FOXN3: variants seen among roughly 807,000 people sequenced by gnomAD.
The protein encoded by FOXN3 is forkhead box protein N3.
A neutral mutation model predicts 38.4 loss-of-function variants in FOXN3; 7 were observed. The ratio of observed to expected loss-of-function variants is 0.18; its 90% CI spans 0.10 to 0.34. FOXN3 has a LOEUF of 0.34. Ranked by LOEUF, FOXN3 falls within the 10% of genes least tolerant of loss-of-function variation. FOXN3 has a pLI of 1.00. For missense variants in FOXN3, 456 were observed against 613.4 expected, an observed-to-expected ratio of 0.74 and a Z score of 2.71; for synonymous variants, 230 against 242.2, an observed-to-expected ratio of 0.95 and a Z score of 0.47.
intron 2 of FOXN3, among the ~76,000 whole-genome samples, chr14:89,381,932 C>A (rs1890660755): frequency 1.3e-5 from 2 of 152,090 alleles, no homozygotes; most frequent in Non-Finnish European, 2.9e-5. Context: ...TTGATCCTCT[C>A]AACTACTCCT....
chr14:89,616,106 A>G (rs1284634156), intron 1 of FOXN3, among the ~76,000 whole-genome samples: 2 of 150,682 alleles, frequency 1.3e-5, no homozygotes, highest in Non-Finnish European at 2.9e-5. Context: ...TAAGAAATGT[A>G]TTTGCTTTAT....
intron 1 of FOXN3, among the ~76,000 whole-genome samples, chr14:89,473,928 T>TAA (rs796656315): frequency 2.1e-5 from 3 of 145,842 alleles, no homozygotes; most frequent in African/African-American, 7.5e-5. Context: ...TCTCCCACGC[T>TAA]AAAAAAAAAA....
At chr14:89,286,626 CA>C (rs1173898116) in intron 3 of FOXN3, among the ~76,000 whole-genome samples, 1 of 152,118 alleles carries the variant, frequency 6.6e-6, no homozygotes, top group East Asian at 1.9e-4. Context: ...TCACCCACCA[CA>C]AAAAATCCTT....
At position 89,364,799 on chromosome 14, in the gene FOXN3, GC is replaced by G. The variant is rs1458301997; in HGVS notation, c.544-13992del. 10 of 152,100 alleles carry G rather than the reference GC, an allele frequency of 6.6e-5. No individual in the cohort carries two copies. In the East Asian group the frequency reaches 1.7e-3, roughly 26 times the overall value. The allele number at this position is 152,100 out of a possible 1,614,324, so 9.4% of individuals were successfully genotyped here. On this transcript the variant is annotated intron_variant, in intron 2 of 5. Coordinates refer to ENST00000557258, the MANE Select transcript of FOXN3 (RefSeq NM_005197.4). ...AAATCCACCTCATATACCTCAGAAC[GC>G]CCCTCCATCTGCAAGGGAACGCATG...
intron 1 of FOXN3, among the ~76,000 whole-genome samples, chr14:89,482,764 G>GC (rs35683466): frequency 2.1e-5 from 3 of 142,268 alleles, no homozygotes; most frequent in Admixed American, 7.2e-5. Flanking sequence ...AAAGAAATTA[G>GC]CTGGGCATGG....
At chr14:89,326,998 C>A (rs946725584) in intron 3 of FOXN3, among the ~76,000 whole-genome samples, 1 of 152,184 alleles carries the variant, frequency 6.6e-6, no homozygotes, top group African/African-American at 2.4e-5. Flanking sequence ...ACACGCACCA[C>A]CCAACCCAGC....
At chr14:89,451,897 G>A (rs938969718) in intron 1 of FOXN3, among the ~76,000 whole-genome samples, 3 of 152,104 alleles carry the variant, frequency 2.0e-5, no homozygotes, top group Non-Finnish European at 4.4e-5. Context: ...CGACCCCAGA[G>A]GAAGGCACTG....
intron 1 of FOXN3, among the ~76,000 whole-genome samples, chr14:89,573,067 T>C (rs546733719): frequency 4.8e-4 from 73 of 152,228 alleles, no homozygotes; most frequent in African/African-American, 1.7e-3. Context: ...CCTTCTGCCA[T>C]ACAGGAAAAG....
chr14:89,581,327 T>C (rs1452251490), intron 1 of FOXN3, among the ~76,000 whole-genome samples: 1 of 151,248 alleles, frequency 6.6e-6, no homozygotes, highest in Non-Finnish European at 1.5e-5. Flanking sequence ...ACTACAAATT[T>C]CAAAATTTGC....
chr14:89,504,658 T>A (rs1156470123), intron 1 of FOXN3, among the ~76,000 whole-genome samples: 1 of 152,204 alleles, frequency 6.6e-6, no homozygotes, highest in African/African-American at 2.4e-5. Context: ...GTCCAGATTT[T>A]AACCCTAATC....
intron 1 of FOXN3, among the ~76,000 whole-genome samples, chr14:89,594,819 G>A (rs900295649): frequency 6.6e-6 from 1 of 152,110 alleles, no homozygotes; most frequent in African/African-American, 2.4e-5. Flanking sequence ...CCGGGAGGCA[G>A]AGGCTGCAGT....
chr14:89,513,150 G>GAAAAAAA (rs36003791), intron 1 of FOXN3, among the ~76,000 whole-genome samples: 27 of 101,670 alleles, frequency 2.7e-4, no homozygotes, highest in Non-Finnish European at 3.6e-4. Context: ...TCCATCTCAG[G>GAAAAAAA]AAAAAAAAAA....
chr14:89,284,489 G>C (rs1282779119), intron 3 of FOXN3: 1 of 455,918 alleles, frequency 2.2e-6, no homozygotes, highest in Non-Finnish European at 4.4e-6. Context: ...TTCCTCTTCT[G>C]CTCTTCCAGC....
At chr14:89,564,075 G>A (rs932203624) in intron 1 of FOXN3, among the ~76,000 whole-genome samples, 1 of 151,910 alleles carries the variant, frequency 6.6e-6, no homozygotes, top group African/African-American at 2.4e-5. Flanking sequence ...GGCTGGTTTC[G>A]AACTCCTGAC....
intron 2 of FOXN3, among the ~76,000 whole-genome samples, chr14:89,391,872 C>T (rs8018797): frequency 0.37 from 56,829 of 151,974 alleles, 13,054 homozygotes; most frequent in Admixed American, 0.53. Context: ...CCAGGCATGG[C>T]GGCATGTGCC....
At chr14:89,414,706 A>C (rs1891647612) in intron 1 of FOXN3, among the ~76,000 whole-genome samples, 1 of 152,084 alleles carries the variant, frequency 6.6e-6, no homozygotes, top group African/African-American at 2.4e-5. Flanking sequence ...GGCGTGTGCC[A>C]CCATGACTGG....
At chr14:89,598,457 T>C (rs1011946962) in intron 1 of FOXN3, among the ~76,000 whole-genome samples, 3 of 152,208 alleles carry the variant, frequency 2.0e-5, no homozygotes, top group Admixed American at 2.0e-4. Context: ...CATTTATTTT[T>C]ATTTTTTAAT....
chr14:89,349,075 C>A (rs1566962915), intron 3 of FOXN3, among the ~76,000 whole-genome samples: 1 of 151,794 alleles, frequency 6.6e-6, no homozygotes, highest in African/African-American at 2.4e-5. Flanking sequence ...CTTGGAGAGT[C>A]GGGGGGTGGG....
intron 1 of FOXN3, among the ~76,000 whole-genome samples, chr14:89,461,796 AG>A (rs1892853261): frequency 6.6e-6 from 1 of 152,158 alleles, no homozygotes; most frequent in African/African-American, 2.4e-5. Flanking sequence ...GGATTTAAGC[AG>A]GGAGCAAACT....
Sources: gnomAD v4.1 joint callset for allele counts (sites outside exome capture counted in the v4.1 genomes callset) on GRCh38, gnomAD v4.1.1 for gene constraint, MANE v1.5 for transcripts, NCBI Gene and HGNC (gene_info 2026-07-23, HGNC 2026-07-21) for gene names.